BNC2: variants seen among roughly 807,000 people sequenced by gnomAD.
The protein encoded by BNC2 is basonuclin zinc finger protein 2.
In BNC2, 20 loss-of-function variants were observed where a neutral mutation model predicts 76.3. That is an observed-to-expected ratio of 0.26 (90% confidence interval 0.18 to 0.38). The LOEUF is 0.38. Ranked by LOEUF, BNC2 falls within the 10% of genes least tolerant of loss-of-function variation. BNC2 has a pLI of 1.00. For synonymous variants in BNC2, 582 were observed against 514.8 expected, an observed-to-expected ratio of 1.13 and a Z score of -1.77; for missense variants, 1,382 against 1,399.8, an observed-to-expected ratio of 0.99 and a Z score of 0.20.
At chr9:16,785,375 T>A (rs1789807719) in intron 1 of BNC2, among the ~76,000 whole-genome samples, 1 of 152,036 alleles carries the variant, frequency 6.6e-6, no homozygotes, top group Non-Finnish European at 1.5e-5. Flanking sequence ...CTACTTAAGG[T>A]GATGGAAATT....
At chr9:16,713,106 C>G (rs1400842191) in intron 3 of BNC2, among the ~76,000 whole-genome samples, 1 of 152,190 alleles carries the variant, frequency 6.6e-6, no homozygotes. Context: ...TTGTCATGTA[C>G]TAGGACAGCA....
chr9:16,471,583 C>T (rs1402876826), intron 5 of BNC2, among the ~76,000 whole-genome samples: 2 of 152,198 alleles, frequency 1.3e-5, no homozygotes, highest in Admixed American at 6.5e-5. Flanking sequence ...TGAGCCACTG[C>T]ACCCAGCTGC....
chr9:16,458,593 A>G (rs1364335759), intron 5 of BNC2, among the ~76,000 whole-genome samples: 2 of 152,240 alleles, frequency 1.3e-5, no homozygotes, highest in Non-Finnish European at 2.9e-5. Context: ...TAGCATTTTT[A>G]AAAAACAATC....
intron 3 of BNC2, among the ~76,000 whole-genome samples, chr9:16,628,794 T>C (rs1053462520): frequency 6.6e-6 from 1 of 152,342 alleles, no homozygotes; most frequent in East Asian, 1.9e-4. Context: ...AAATGCACTT[T>C]TCCTTTCTGT....
chr9:16,728,691 T>C (rs1824422080), intron 2 of BNC2, among the ~76,000 whole-genome samples: 1 of 151,770 alleles, frequency 6.6e-6, no homozygotes, highest in Non-Finnish European at 1.5e-5. Context: ...ATAACGTACA[T>C]AGAGATGTGA....
intron 5 of BNC2, among the ~76,000 whole-genome samples, chr9:16,516,221 GTGT>G (rs1197234730): frequency 6.6e-6 from 1 of 152,032 alleles, no homozygotes; most frequent in Non-Finnish European, 1.5e-5. Context: ...CATTTTCTTT[GTGT>G]TGTTCTTGGT....
intron 3 of BNC2, among the ~76,000 whole-genome samples, chr9:16,706,778 G>C (rs1563908526): frequency 6.6e-6 from 1 of 152,046 alleles, no homozygotes; most frequent in Non-Finnish European, 1.5e-5. Context: ...TTAAAAAAAA[G>C]GAATTATACT....
At position 16,539,700 on chromosome 9, in the gene BNC2, A is replaced by G. The variant is rs539050665; in HGVS notation, c.669+12830T>C. Among the ~76,000 whole-genome samples the G allele has an allele frequency of 2.6e-5, 3 of 114,722 alleles. 1 individual carries two copies. Among genetic ancestry groups the G allele is most frequent in the African/African-American group, 9.0e-5 (2 of 22,158 alleles). 75.3% of individuals were successfully genotyped at this position (114,722 alleles called of 152,430 possible). A position where few individuals can be genotyped will look rare whatever the true frequency, so the allele number is the denominator to read the frequency against. ...GGAGGAAGGAAGGAAGGGAGAAAGG[A>G]AGGGAGGAAGGAAGGAAGGGGAAGG... On this transcript the variant is annotated intron_variant, in intron 5 of 6. Coordinates refer to ENST00000380672, the MANE Select transcript of BNC2 (RefSeq NM_017637.6).
At chr9:16,805,461 G>A (rs562917459) in intron 1 of BNC2, among the ~76,000 whole-genome samples, 3 of 152,068 alleles carry the variant, frequency 2.0e-5, no homozygotes, top group Admixed American at 2.0e-4. Context: ...CGAGTAGCTG[G>A]GATTACAGGC....
intron 3 of BNC2, among the ~76,000 whole-genome samples, chr9:16,681,205 C>T (rs573190470): frequency 1.3e-4 from 20 of 151,980 alleles, no homozygotes; most frequent in Non-Finnish European, 2.4e-4. Context: ...TTCCATGGAC[C>T]GAAACTAAAA....
At chr9:16,556,290 C>T (rs766741887) in intron 4 of BNC2, among the ~76,000 whole-genome samples, 15 of 151,894 alleles carry the variant, frequency 9.9e-5, no homozygotes, top group Non-Finnish European at 1.5e-4. Context: ...GACCCTGTCT[C>T]CAAAAACAAA....
chr9:16,819,740 T>C (rs1047976350), intron 1 of BNC2, among the ~76,000 whole-genome samples: 2 of 152,154 alleles, frequency 1.3e-5, no homozygotes, highest in African/African-American at 4.8e-5. Flanking sequence ...TTATGTTTCA[T>C]GCCAGTAGGT....
rs536471265 is a variant in BNC2, at chr9:16,517,107, A to G, written c.669+35423T>C. ...TTTTGAGGACTAACAACATTCCCCCATAATGATGGTGGTGTCTTTAGATTG... is the reference window on the plus strand; with the variant it reads ...TTTTGAGGACTAACAACATTCCCCCGTAATGATGGTGGTGTCTTTAGATTG... On this transcript the variant is annotated intron_variant, in intron 5 of 6. Coordinates refer to ENST00000380672, the MANE Select transcript of BNC2 (RefSeq NM_017637.6). Among the ~76,000 whole-genome samples, 26 of 152,310 alleles carry G rather than the reference A, an allele frequency of 1.7e-4. No individual in the cohort carries two copies. The East Asian group carries it at 3.7e-3, about 21-fold the overall frequency.
intron 5 of BNC2, among the ~76,000 whole-genome samples, chr9:16,445,176 T>G (rs1821206074): frequency 6.6e-6 from 1 of 152,188 alleles, no homozygotes; most frequent in Admixed American, 6.6e-5. Context: ...GAGAAACACT[T>G]AAAATCGTGG....
intron 1 of BNC2, among the ~76,000 whole-genome samples, chr9:16,841,769 A>G (rs1318509337): frequency 6.6e-6 from 1 of 152,068 alleles, no homozygotes; most frequent in Non-Finnish European, 1.5e-5. Flanking sequence ...ATTGCAAAAG[A>G]TGTATTTCCG....
chr9:16,822,966 T>C (rs891912860), intron 1 of BNC2, among the ~76,000 whole-genome samples: 1 of 152,182 alleles, frequency 6.6e-6, no homozygotes, highest in Non-Finnish European at 1.5e-5. Context: ...TTACTGTAAT[T>C]GGTCAAGTAG....
At chr9:16,857,955 G>A (rs920055488) in intron 1 of BNC2, among the ~76,000 whole-genome samples, 3 of 152,140 alleles carry the variant, frequency 2.0e-5, no homozygotes, top group Non-Finnish European at 4.4e-5. Context: ...CTAATTCAAC[G>A]ATGAGGTATT....
chr9:16,502,897 G>A (rs1822550428), intron 5 of BNC2, among the ~76,000 whole-genome samples: 1 of 152,146 alleles, frequency 6.6e-6, no homozygotes, highest in Non-Finnish European at 1.5e-5. Context: ...GTGGTTTCAT[G>A]TGGCCTCATG....
intron 1 of BNC2, among the ~76,000 whole-genome samples, chr9:16,794,250 T>A (rs181810564): frequency 6.6e-6 from 1 of 152,200 alleles, no homozygotes; most frequent in Admixed American, 6.5e-5. Context: ...CTCACTACCG[T>A]CCCCCAGCAG....
Sources: allele counts gnomAD v4.1 joint callset (sites outside exome capture counted in the v4.1 genomes callset), GRCh38; gene constraint gnomAD v4.1.1; transcripts MANE v1.5; gene names NCBI Gene and HGNC (gene_info 2026-07-23, HGNC 2026-07-21).